ME1: variants seen among roughly 807,000 people sequenced by gnomAD.
ME1 encodes malic enzyme 1, also known as NADP-dependent malic enzyme.
In ME1, 74 loss-of-function variants were observed where a neutral mutation model predicts 66.4. That is an observed-to-expected ratio of 1.11 (90% CI 0.92 to 1.35). ME1 has a LOEUF of 1.35. Among genes scored for constraint, ME1 ranks in the 40% most tolerant of loss-of-function variants. The pLI, the probability that ME1 is intolerant of heterozygous loss-of-function variation, is 0.00. For missense variants in ME1, 750 were observed against 694.1 expected, an observed-to-expected ratio of 1.08 and a Z score of -0.90; for synonymous variants, 251 against 235.6, an observed-to-expected ratio of 1.07 and a Z score of -0.60.
intron 6 of ME1, among the ~76,000 whole-genome samples, chr6:83,269,237 C>T (rs1424243256): frequency 1.3e-5 from 2 of 151,696 alleles, no homozygotes; most frequent in South Asian, 2.1e-4. Flanking sequence ...GTTCCTCTAT[C>T]ATTTATGTTT....
intron 6 of ME1, among the ~76,000 whole-genome samples, chr6:83,283,119 T>C (rs550838825): frequency 6.8e-6 from 1 of 146,942 alleles, no homozygotes; most frequent in Non-Finnish European, 1.5e-5. Context: ...TCCCAGCTAC[T>C]CGGGAGGCTG....
At position 83,216,594 on chromosome 6, in the gene ME1, A is replaced by G. The variant is rs1789999822; in HGVS notation, c.1452T>C (p.Val484=). 6.3e-7 allele frequency: 1 copy of G among 1,591,278 alleles called. No individual in the cohort carries two copies. The highest frequency in any genetic ancestry group is 8.5e-7 in the Non-Finnish European group (1 of 1,173,108). ...TDNIFLTTAE[V]IAQQVSDKHL... is the part of the protein sequence containing the mutation. Reference sequence around the variant, plus strand: ...GTTTATCTGACACTTGCTGAGCTATAACCTTATGAAAAAAAGAAAGAAAAA... The same window carrying G: ...GTTTATCTGACACTTGCTGAGCTATGACCTTATGAAAAAAAGAAAGAAAAA... The change falls in exon 13 of 14, where the codon GTT becomes GTC. Residue 484 remains valine (V), a splice_region_variant and synonymous_variant. Coordinates refer to ENST00000369705, the MANE Select transcript of ME1 (RefSeq NM_002395.6).
At chr6:83,407,951 T>C (rs1327508855) in intron 1 of ME1, 50 bp from the exon 2 acceptor site, 1 of 1,510,392 alleles carries the variant, frequency 6.6e-7, no homozygotes, top group Non-Finnish European at 8.8e-7. Flanking sequence ...GAGAGGAAAA[T>C]AGACAAAAAG....
intron 1 of ME1, among the ~76,000 whole-genome samples, chr6:83,411,949 C>T (rs1017875267): frequency 7.2e-5 from 11 of 152,186 alleles, no homozygotes; most frequent in African/African-American, 1.9e-4. Context: ...AACAGGGCAA[C>T]TATTCTTCTG....
chr6:83,425,729 C>T (rs1008723080), intron 1 of ME1, among the ~76,000 whole-genome samples: 5 of 152,008 alleles, frequency 3.3e-5, no homozygotes, highest in Non-Finnish European at 5.9e-5. Context: ...GTATTTTTGC[C>T]GATGTTCTTA....
chr6:83,430,653 G>A (rs1770467981), intron 1 of ME1, among the ~76,000 whole-genome samples: 1 of 152,260 alleles, frequency 6.6e-6, no homozygotes, highest in African/African-American at 2.4e-5. Flanking sequence ...ATGCCGAGGT[G>A]CAGAGGCACC....
chr6:83,404,221 C>A (rs1389704438), intron 2 of ME1, among the ~76,000 whole-genome samples: 1 of 152,042 alleles, frequency 6.6e-6, no homozygotes, highest in African/African-American at 2.4e-5. Flanking sequence ...GATGGTATTT[C>A]ATTGCGGTTT....
chr6:83,426,075 C>G (rs1018871194), intron 1 of ME1, among the ~76,000 whole-genome samples: 2 of 152,192 alleles, frequency 1.3e-5, no homozygotes, highest in Admixed American at 6.5e-5. Flanking sequence ...ATCTTGCCTT[C>G]CGCCATGGGA....
chr6:83,241,540 T>C (rs1299469170), intron 7 of ME1, among the ~76,000 whole-genome samples: 1 of 152,174 alleles, frequency 6.6e-6, no homozygotes, highest in African/African-American at 2.4e-5. Context: ...TTTAAAGATA[T>C]ATTTCATAAT....
Position 83,240,032 on chromosome 6 carries a change from G to C in ME1, c.815-396C>G, listed in dbSNP as rs562967192. Among the ~76,000 whole-genome samples the C allele has an allele frequency of 2.6e-5, 4 of 152,142 alleles. No individual in the cohort carries two copies. In the South Asian group the frequency reaches 6.2e-4, roughly 24 times the overall value. ...AGTAGTTTTACTTTATGATATAAAA[G>C]AGTAATAAGTGCTATTAGATTCTTC... is the stretch of plus-strand genomic sequence containing the variant. On this transcript the variant is annotated intron_variant, in intron 7 of 13. Transcript: ENST00000369705.
chr6:83,270,297 T>A (rs6902164), intron 6 of ME1, among the ~76,000 whole-genome samples: 1 of 152,130 alleles, frequency 6.6e-6, no homozygotes, highest in East Asian at 1.9e-4. Flanking sequence ...TCATTCCTTT[T>A]CTTTTTGAAG....
At chr6:83,298,973 C>G (rs1767660424) in intron 6 of ME1, among the ~76,000 whole-genome samples, 1 of 36,030 alleles carries the variant, frequency 2.8e-5, no homozygotes, top group Non-Finnish European at 5.4e-5. Flanking sequence ...TTTTTTTTTA[C>G]CAGTACTATG....
chr6:83,378,085 T>G (rs1179801835), intron 3 of ME1, among the ~76,000 whole-genome samples: 1 of 151,716 alleles, frequency 6.6e-6, no homozygotes, highest in Non-Finnish European at 1.5e-5. Flanking sequence ...GGTCAGATTA[T>G]TTTTTTTAAA....
intron 9 of ME1, among the ~76,000 whole-genome samples, chr6:83,233,306 ATAAAT>A (rs980936798): frequency 6.6e-6 from 1 of 152,128 alleles, no homozygotes; most frequent in Non-Finnish European, 1.5e-5. Context: ...AAATTAATAT[ATAAAT>A]TATTTTCCAC....
intron 1 of ME1, among the ~76,000 whole-genome samples, chr6:83,428,772 G>A (rs1301017430): frequency 6.6e-6 from 1 of 152,056 alleles, no homozygotes; most frequent in South Asian, 2.1e-4. Flanking sequence ...CCTCCAAGTT[G>A]GTACACTGGA....
At chr6:83,255,130 AT>A (rs1248509765) in intron 6 of ME1, among the ~76,000 whole-genome samples, 1 of 152,004 alleles carries the variant, frequency 6.6e-6, no homozygotes, top group Non-Finnish European at 1.5e-5. Flanking sequence ...TTACTGTAAA[AT>A]TCACAGGTGA....
In ME1 at chr6:83,216,609, A is replaced by G. The variant is rs1232560886; in HGVS notation, c.1450-13T>C. The G allele has an allele frequency of 1.9e-6, 3 of 1,570,230 alleles. No individual in the cohort carries two copies. Among genetic ancestry groups the G allele is most frequent in the East Asian group, 2.2e-5 (1 of 44,632 alleles). On this transcript the variant is annotated splice_polypyrimidine_tract_variant and intron_variant, in intron 12 of 13. Transcript: ENST00000369705. ...GCTGAGCTATAACCTTATGAAAAAA[A>G]GAAAGAAAAAAAGTGTTTATACTTC... is the stretch of plus-strand genomic sequence containing the variant.
chr6:83,237,283 GGAAGGAAGGAA>G (rs749549422), intron 9 of ME1, among the ~76,000 whole-genome samples: 5 of 46,772 alleles, frequency 1.1e-4, no homozygotes, highest in Non-Finnish European at 1.7e-4. Context: ...AAGAAAGGAA[GGAAGGAAGGAA>G]AGAAAGAAAA....
chr6:83,353,982 A>G lies in ME1; in HGVS notation c.363-1843T>C, dbSNP rs185235773. Among the ~76,000 whole-genome samples the G allele has an allele frequency of 9.2e-5, 14 of 152,224 alleles. No individual in the cohort carries two copies. In the East Asian group the frequency reaches 2.5e-3, roughly 27 times the overall value. On this transcript the variant is annotated intron_variant, in intron 3 of 13. Transcript: ENST00000369705. ...AGCTGCTGAGATACCACATTTGCCT[A>G]CGTTTCCTCCTAATCACTACCTGCT...
Sources: allele counts gnomAD v4.1 joint callset (sites outside exome capture counted in the v4.1 genomes callset), GRCh38; gene constraint gnomAD v4.1.1; transcripts MANE v1.5; gene names NCBI Gene and HGNC (gene_info 2026-07-23, HGNC 2026-07-21).